The following GLYATL1 variants were observed in gnomAD, a reference collection of about 807,000 sequenced individuals.
GLYATL1 encodes the protein glycine N-acyltransferase-like protein 1.
A neutral mutation model predicts 20.0 loss-of-function variants in GLYATL1; 15 were observed. The observed-to-expected ratio is 0.75, with a 90% CI of 0.50 to 1.15. The LOEUF (loss-of-function observed/expected upper bound fraction) is 1.15. Ranked by LOEUF, GLYATL1 falls within the 50% of genes most tolerant of loss-of-function variation. GLYATL1 has a pLI of 0.00. For missense variants in GLYATL1, 380 were observed against 368.5 expected, an observed-to-expected ratio of 1.03 and a Z score of -0.26; for synonymous variants, 151 against 131.5, an observed-to-expected ratio of 1.15 and a Z score of -1.01.
chr11:58,920,266 C>A (rs930476263), intron 1 of GLYATL1, among the ~76,000 whole-genome samples: 3 of 152,080 alleles, frequency 2.0e-5, no homozygotes, highest in African/African-American at 7.2e-5. Context: ...CCTCCTGCAA[C>A]TGCAGGAGGA....
At chr11:58,930,604 G>C (rs1855562019) in intron 1 of GLYATL1, among the ~76,000 whole-genome samples, 1 of 152,118 alleles carries the variant, frequency 6.6e-6, no homozygotes, top group African/African-American at 2.4e-5. Flanking sequence ...ATCAGAAAAT[G>C]TAATACCCCC....
rs142308579 is a variant in GLYATL1 at position 58,950,050 on chromosome 11, G to A, written c.186+2085G>A. ...GAATCCCAGCACTTTGGGAGGCCGA[G>A]GCAGGCGGATCACGAGGTCAGGAGA... On this transcript the variant is annotated intron_variant, in intron 4 of 6. Coordinates refer to ENST00000532726, the MANE Select transcript of GLYATL1 (RefSeq NM_001389712.2). Among the ~76,000 whole-genome samples the A allele has an allele frequency of 4.6e-3, 671 of 147,036 alleles. 5 individuals carry two copies. Among genetic ancestry groups the A allele is most frequent in the African/African-American group, 0.016 (633 of 39,586 alleles).
rs761055707 is a variant in GLYATL1, at chr11:58,947,157, T to C, written c.70T>C (p.Ser24Pro). The C allele has an allele frequency of 1.9e-6, 3 of 1,613,306 alleles. No individual in the cohort carries two copies. Among genetic ancestry groups the C allele is most frequent in the Non-Finnish European group, 2.5e-6 (3 of 1,179,486 alleles). Residue 24 changes from serine to proline, a missense_variant, in exon 3 of 7, where the codon TCC (serine) becomes CCC (proline). By Grantham distance (74) the Ser-to-Pro change is moderately conservative (BLOSUM62 -1). Coordinates refer to ENST00000532726, the MANE Select transcript of GLYATL1 (RefSeq NM_001389712.2). ...YKSLARSIPESLKVYGSVYHI... is the reference protein window; with the variant it reads ...YKSLARSIPEPLKVYGSVYHI... ...ATCCTTGGCCAGGAGCATCCCTGAG[T>C]CCCTGAAGGTCAGGGAACAGTGGGA...
intron 4 of GLYATL1, among the ~76,000 whole-genome samples, chr11:58,953,459 T>C (rs1446093661): frequency 2.0e-5 from 3 of 151,578 alleles, no homozygotes; most frequent in Non-Finnish European, 4.4e-5. Context: ...ACCAGAAGTT[T>C]ATCTCTCTCT....
chr11:58,926,802 A>G (rs1037952826), upstream of GLYATL1, among the ~76,000 whole-genome samples: 1 of 152,264 alleles, frequency 6.6e-6, no homozygotes, highest in African/African-American at 2.4e-5. Flanking sequence ...CTTAAATTAT[A>G]TATTTTAACC....
upstream of GLYATL1, among the ~76,000 whole-genome samples, chr11:58,937,446 C>T (rs1206477567): frequency 6.6e-6 from 1 of 152,134 alleles, no homozygotes; most frequent in Non-Finnish European, 1.5e-5. Context: ...GAAAAAAATT[C>T]CCCAAGATTT....
exon 2 of GLYATL1, chr11:58,908,478 G>T: frequency 4.9e-6 from 1 of 204,328 alleles, no homozygotes. Context: ...TGAATTCCAT[G>T]AAGACTGAAG....
chr11:58,952,801 A>G (rs768425602), intron 4 of GLYATL1, among the ~76,000 whole-genome samples: 5 of 152,202 alleles, frequency 3.3e-5, no homozygotes, highest in Non-Finnish European at 7.4e-5. Flanking sequence ...GAGTGAGAGC[A>G]TGTGATATTT....
At chr11:58,911,644 A>AT (rs1457379045), downstream of GLYATL1, among the ~76,000 whole-genome samples, 1 of 152,160 alleles carries the variant, frequency 6.6e-6, no homozygotes, top group African/African-American at 2.4e-5. Context: ...TATTTTGCCC[A>AT]TTTTTATACT....
Position 58,949,681 on chromosome 11 carries a change from CA to C in GLYATL1, c.186+1726del, listed in dbSNP as rs891818409. Among the ~76,000 whole-genome samples the C allele has an allele frequency of 5.5e-5, 8 of 145,338 alleles. No individual in the cohort carries two copies. The East Asian group carries it at 6.0e-4, about 11-fold the overall frequency. On this transcript the variant is annotated intron_variant, in intron 4 of 6. Coordinates refer to ENST00000532726, the MANE Select transcript of GLYATL1 (RefSeq NM_001389712.2). ...AAGTCCCACACCACACATATAAGAC[CA>C]AAAAAAAAACAAAAAGGAAAGAATG...
chr11:58,951,570 T>C (rs1461015306), intron 4 of GLYATL1, among the ~76,000 whole-genome samples: 1 of 152,178 alleles, frequency 6.6e-6, no homozygotes, highest in Non-Finnish European at 1.5e-5. Flanking sequence ...TGATTGGTAT[T>C]GGAGGACCAT....
chr11:58,934,831 C>T (rs1281206232), upstream of GLYATL1: 1 of 152,350 alleles, frequency 6.6e-6, no homozygotes, highest in Non-Finnish European at 1.5e-5. Flanking sequence ...CTAGGGCTGC[C>T]AACCTGGAAA....
rs769383337 is a variant in GLYATL1 at position 58,947,121 on chromosome 11, G to A, written c.34G>A (p.Ala12Thr). 3 of 1,614,070 alleles carry A rather than the reference G, an allele frequency of 1.9e-6. No homozygotes were observed. The Admixed American group carries it at 5.0e-5, about 27-fold the overall frequency. Residue 12 changes from alanine (A) to threonine (T), a missense_variant, in exon 3 of 7, where the codon GCC becomes ACC. Transcript: ENST00000532726. Reference protein sequence around the residue: ...ILLNNSHKLLALYKSLARSIP... With the variant: ...ILLNNSHKLLTLYKSLARSIP... ...ACTGAATAACTCCCATAAGCTGCTG[G>A]CCCTATACAAATCCTTGGCCAGGAG...
At chr11:58,924,456 A>T (rs1855379006), upstream of GLYATL1, among the ~76,000 whole-genome samples, 1 of 152,208 alleles carries the variant, frequency 6.6e-6, no homozygotes, top group Non-Finnish European at 1.5e-5. Flanking sequence ...TAATTATTAC[A>T]AGCTATGTAA....
In GLYATL1 at chr11:58,947,097, C is replaced by T; in HGVS notation, c.10C>T (p.Leu4=). Residue 4 remains leucine (L), a synonymous_variant, in exon 3 of 7, where the codon CTG becomes TTG. Transcript: ENST00000532726. ...TGAAGCATCCCACAGAATGATCCTA[C>T]TGAATAACTCCCATAAGCTGCTGGC... The part of the protein sequence containing the change: MIL[L]NNSHKLLALY... 1 of 1,613,988 alleles carries T rather than the reference C, an allele frequency of 6.2e-7. No homozygotes were observed. The highest frequency in any genetic ancestry group is 8.5e-7 in the Non-Finnish European group (1 of 1,179,868).
chr11:58,954,480 T>G (rs1210781085), intron 4 of GLYATL1, among the ~76,000 whole-genome samples: 4 of 152,160 alleles, frequency 2.6e-5, no homozygotes, highest in Non-Finnish European at 4.4e-5. Flanking sequence ...TGAGGCATCT[T>G]AAGGCCTGGT....
chr11:58,917,307 G>C (rs1290487205), intron 1 of GLYATL1: 1 of 152,206 alleles, frequency 6.6e-6, no homozygotes, highest in African/African-American at 2.4e-5. Context: ...AGGAGGACCA[G>C]AGAGACCACA....
At chr11:58,940,280 T>C (rs1369150062) in intron 1 of GLYATL1, among the ~76,000 whole-genome samples, 1 of 152,224 alleles carries the variant, frequency 6.6e-6, no homozygotes, top group Non-Finnish European at 1.5e-5. Flanking sequence ...CCACGGAAAC[T>C]GTTTTACTGA....
chr11:58,943,483 T>A (rs772438755), intron 1 of GLYATL1, 60 bp from the exon 2 acceptor site: 9 of 1,541,330 alleles, frequency 5.8e-6, no homozygotes, highest in Non-Finnish European at 7.0e-6. Flanking sequence ...ATTCACAAAT[T>A]GTTTGTTGCT....
Sources: allele counts gnomAD v4.1 joint callset (sites outside exome capture counted in the v4.1 genomes callset), GRCh38; gene constraint gnomAD v4.1.1; transcripts MANE v1.5; gene names NCBI Gene and HGNC (gene_info 2026-07-23, HGNC 2026-07-21).